SORCS2: variants seen among roughly 807,000 people sequenced by gnomAD.
SORCS2 encodes sortilin related VPS10 domain containing receptor 2, also known as VPS10 domain-containing receptor SorCS2.
In SORCS2, 100 loss-of-function variants were observed where a neutral mutation model predicts 141.6. That is an observed-to-expected ratio of 0.71 (90% confidence interval 0.60 to 0.83). The LOEUF (loss-of-function observed/expected upper bound fraction) is 0.83. Among genes scored for constraint, SORCS2 ranks in the 40% least tolerant of loss-of-function variants. The pLI is 0.00. For missense variants in SORCS2, 1,646 were observed against 1,560.2 expected, an observed-to-expected ratio of 1.05 and a Z score of -0.93; for synonymous variants, 789 against 676.9, an observed-to-expected ratio of 1.17 and a Z score of -2.57.
In SORCS2 at chr4:7,727,197, C is replaced by G. The variant is rs539749692; in HGVS notation, c.2869+294C>G. ...GGGACAAGGTCACCCAGCAGCAAGA[C>G]AGCCAGGTTTGGGCACTGGCTGTGC... On this transcript the variant is annotated intron_variant, in intron 21 of 26. Transcript: ENST00000507866. Among the ~76,000 whole-genome samples the G allele has an allele frequency of 1.2e-4, 18 of 152,378 alleles. No individual in the cohort carries two copies. The South Asian group carries it at 3.1e-3, about 26-fold the overall frequency.
intron 1 of SORCS2, among the ~76,000 whole-genome samples, chr4:7,307,922 G>A (rs951078215): frequency 4.6e-5 from 7 of 152,186 alleles, no homozygotes; most frequent in Middle Eastern, 3.4e-3. Context: ...GTGTGTGCAT[G>A]AGTGTGCATG....
At chr4:7,560,380 G>C (rs1290394936) in intron 3 of SORCS2, among the ~76,000 whole-genome samples, 2 of 152,146 alleles carry the variant, frequency 1.3e-5, no homozygotes, top group Non-Finnish European at 2.9e-5. Context: ...CTGGAGGCAG[G>C]TGGTGGTAGA....
chr4:7,569,257 A>G (rs1715220006), intron 3 of SORCS2, among the ~76,000 whole-genome samples: 1 of 152,196 alleles, frequency 6.6e-6, no homozygotes, highest in African/African-American at 2.4e-5. Flanking sequence ...TCATGCCTGT[A>G]ATCCCAGCAC....
At chr4:7,278,856 C>T (rs781006206) in intron 1 of SORCS2, among the ~76,000 whole-genome samples, 2 of 152,206 alleles carry the variant, frequency 1.3e-5, no homozygotes, top group African/African-American at 2.4e-5. Flanking sequence ...GGATCTGACA[C>T]AGGAATGACA....
chr4:7,505,791 A>C (rs1413313674), intron 2 of SORCS2, among the ~76,000 whole-genome samples: 1 of 152,170 alleles, frequency 6.6e-6, no homozygotes, highest in Non-Finnish European at 1.5e-5. Flanking sequence ...GAGAGTGATG[A>C]ACTCCATGAG....
chr4:7,310,321 G>C (rs1336600277), intron 1 of SORCS2: 1 of 154,148 alleles, frequency 6.5e-6, no homozygotes, highest in African/African-American at 2.4e-5. Context: ...AGTTGTCCAA[G>C]GTTACACAGC....
chr4:7,410,998 C>T (rs997933190), intron 2 of SORCS2, among the ~76,000 whole-genome samples: 2 of 138,108 alleles, frequency 1.4e-5, no homozygotes, highest in Non-Finnish European at 3.0e-5. Context: ...AATCTGTCGC[C>T]AGGCCAGAGT....
At chr4:7,602,477 G>C (rs527237999) in intron 3 of SORCS2, among the ~76,000 whole-genome samples, 1 of 151,444 alleles carries the variant, frequency 6.6e-6, no homozygotes, top group Non-Finnish European at 1.5e-5. Context: ...CATCCCAGAC[G>C]GGGCGGCGGG....
intron 3 of SORCS2, among the ~76,000 whole-genome samples, chr4:7,612,965 A>AGCAG (rs1295558508): frequency 1.4e-5 from 2 of 142,354 alleles, no homozygotes; most frequent in African/African-American, 5.2e-5. Flanking sequence ...CAAGGCCAAC[A>AGCAG]GCAGGGACTG....
chr4:7,264,631 GTTC>G (rs951973675), intron 1 of SORCS2, among the ~76,000 whole-genome samples: 1 of 152,228 alleles, frequency 6.6e-6, no homozygotes. Context: ...TGAGGGTGCT[GTTC>G]TTCTCCTGTG....
intron 8 of SORCS2, among the ~76,000 whole-genome samples, 159 bp downstream of exon 8, chr4:7,667,372 C>G (rs1299492066): frequency 6.6e-6 from 1 of 152,194 alleles, no homozygotes; most frequent in Admixed American, 6.5e-5. Context: ...CCCTCACACC[C>G]TCCATTCCAG....
intron 1 of SORCS2, among the ~76,000 whole-genome samples, chr4:7,345,884 A>G (rs1720626868): frequency 6.6e-6 from 1 of 152,076 alleles, no homozygotes; most frequent in South Asian, 2.1e-4. Flanking sequence ...TCCGGTGGGT[A>G]CCTGCCCTTA....
At chr4:7,472,230 G>C (rs1043366258) in intron 2 of SORCS2, among the ~76,000 whole-genome samples, 1 of 152,180 alleles carries the variant, frequency 6.6e-6, no homozygotes, top group East Asian at 1.9e-4. Flanking sequence ...TGGATGCATC[G>C]GGATGGAGGG....
chr4:7,456,485 G>T (rs1728921738), intron 2 of SORCS2, among the ~76,000 whole-genome samples: 1 of 152,082 alleles, frequency 6.6e-6, no homozygotes, highest in Non-Finnish European at 1.5e-5. Context: ...TGAGAGGGGG[G>T]GGGCCTCCTT....
intron 1 of SORCS2, among the ~76,000 whole-genome samples, chr4:7,309,324 A>G (rs1486712335): frequency 6.6e-6 from 1 of 152,210 alleles, no homozygotes; most frequent in Non-Finnish European, 1.5e-5. Context: ...CTAGCAACGC[A>G]GGACTCAGGG....
intron 3 of SORCS2, among the ~76,000 whole-genome samples, chr4:7,540,492 G>A (rs920052879): frequency 1.3e-5 from 2 of 152,206 alleles, no homozygotes; most frequent in Non-Finnish European, 2.9e-5. Flanking sequence ...GTGTGCAGTA[G>A]CTTGGGAAGT....
intron 3 of SORCS2, among the ~76,000 whole-genome samples, chr4:7,536,918 G>T (rs1181086716): frequency 1.3e-5 from 2 of 151,894 alleles, no homozygotes; most frequent in African/African-American, 4.8e-5. Flanking sequence ...GCTCAGGGAA[G>T]CTCGGAGAGT....
At chr4:7,254,302 A>G (rs1449352820) in intron 1 of SORCS2, among the ~76,000 whole-genome samples, 1 of 152,244 alleles carries the variant, frequency 6.6e-6, no homozygotes, top group Non-Finnish European at 1.5e-5. Flanking sequence ...GATAAAGGAA[A>G]TGTGGTCTAG....
At chr4:7,232,903 C>G (rs1308999885) in intron 1 of SORCS2, among the ~76,000 whole-genome samples, 6 of 152,196 alleles carry the variant, frequency 3.9e-5, no homozygotes, top group Admixed American at 3.9e-4. Context: ...CTGGGGGACC[C>G]CCACCCTTGG....
Sources: allele counts gnomAD v4.1 joint callset (sites outside exome capture counted in the v4.1 genomes callset), GRCh38; gene constraint gnomAD v4.1.1; transcripts MANE v1.5; gene names NCBI Gene and HGNC (gene_info 2026-07-23, HGNC 2026-07-21).